The following GSG1L variants were observed in gnomAD, a reference collection of about 807,000 sequenced individuals.
GSG1L encodes the protein GSG1 like.
Under a neutral mutation model 42.1 loss-of-function variants are expected in GSG1L, and 24 were observed. The ratio of observed to expected loss-of-function variants is 0.57; its 90% CI spans 0.41 to 0.80. GSG1L has a LOEUF of 0.80. GSG1L is among the 30% of genes least tolerant of loss of function. The pLI, the probability that GSG1L is intolerant of heterozygous loss-of-function variation, is 0.00. For missense variants in GSG1L, 445 were observed against 472.2 expected, an observed-to-expected ratio of 0.94 and a Z score of 0.53; for synonymous variants, 215 against 203.5, an observed-to-expected ratio of 1.06 and a Z score of -0.48.
At position 27,977,115 on chromosome 16, in the gene GSG1L, G is replaced by C. The variant is rs117721331; in HGVS notation, c.350-13912C>G. Among the ~76,000 whole-genome samples, 13 of 152,262 alleles carry C rather than the reference G, an allele frequency of 8.5e-5. No individual in the cohort carries two copies. The East Asian group carries it at 2.5e-3, about 29-fold the overall frequency. ...AGGACTTGGCGTTCATCACAGCAAT[G>C]GCACGAAGTCTGAATCCATTCCCAT... On this transcript the variant is annotated intron_variant, in intron 1 of 6. Coordinates refer to ENST00000447459, the MANE Select transcript of GSG1L (RefSeq NM_001109763.2).
At chr16:27,835,053 T>C (rs1385175890) in intron 4 of GSG1L, among the ~76,000 whole-genome samples, 1 of 152,194 alleles carries the variant, frequency 6.6e-6, no homozygotes, top group Non-Finnish European at 1.5e-5. Flanking sequence ...TTCTTTTATA[T>C]CCTTGGTGAT....
rs1207226510 is a variant in GSG1L, at chr16:28,059,368, T to C, written c.349+3708A>G. On this transcript the variant is annotated intron_variant, in intron 1 of 6. Transcript: ENST00000447459. This position sits in a 1 kb window ranked among gnomAD's most constrained non-coding sequence, Gnocchi z 4.4. The stretch of plus-strand genomic sequence containing the variant: ...TCCCCGCCTGGGTCCTGCATGGGTC[T>C]TCTGGCTTCACACCCACCCCGTCAC... Among the ~76,000 whole-genome samples the C allele has an allele frequency of 6.6e-6, 1 of 152,090 alleles. No individual in the cohort carries two copies. The highest frequency in any genetic ancestry group is 1.5e-5 in the Non-Finnish European group (1 of 68,008).
intron 5 of GSG1L, among the ~76,000 whole-genome samples, chr16:27,821,870 C>G (rs2083154263): frequency 6.6e-6 from 1 of 151,992 alleles, no homozygotes; most frequent in Non-Finnish European, 1.5e-5. Flanking sequence ...CGCCACTGCA[C>G]TCCAGCCTGG....
intron 3 of GSG1L, among the ~76,000 whole-genome samples, chr16:27,881,806 T>G (rs1234810598): frequency 6.6e-6 from 1 of 151,420 alleles, no homozygotes; most frequent in African/African-American, 2.4e-5. Context: ...AACCACCCAC[T>G]CCCACCCGCC....
chr16:27,823,878 G>C, intron 5 of GSG1L: 1 of 702,976 alleles, frequency 1.4e-6, no homozygotes, highest in South Asian at 1.5e-5. Flanking sequence ...TGTGACCTGG[G>C]GCAAGTCGCC....
At chr16:27,802,232 T>G (rs1054948685) in intron 6 of GSG1L, among the ~76,000 whole-genome samples, 8 of 152,160 alleles carry the variant, frequency 5.3e-5, no homozygotes, top group South Asian at 4.1e-4. Context: ...CTTATTCGTC[T>G]CCATGCTCCC....
rs763786697 is a variant in GSG1L, at chr16:28,063,440, G to C, written c.-16C>G. 1.6e-6 allele frequency: 2 copies of C among 1,233,206 alleles called. No individual in the cohort carries two copies. The highest frequency in any genetic ancestry group is 2.0e-6 in the Non-Finnish European group (2 of 983,028). 76.4% of individuals were successfully genotyped at this position (1,233,206 alleles called of 1,614,324 possible). A position where few individuals can be genotyped will look rare whatever the true frequency, so the allele number is the denominator to read the frequency against. ...TAGTCTTCATGCCGCCCGCGCCGCCGGGACGGGACTGCACCGCCGGGGAGC... is the reference window on the plus strand; with the variant it reads ...TAGTCTTCATGCCGCCCGCGCCGCCCGGACGGGACTGCACCGCCGGGGAGC... On this transcript the variant is annotated 5_prime_UTR_variant, in exon 1 of 7. Coordinates refer to ENST00000447459, the MANE Select transcript of GSG1L (RefSeq NM_001109763.2). The surrounding 1 kb of genome is among the most constrained non-coding windows in gnomAD (Gnocchi z 5.8).
chr16:27,859,237 G>A (rs1314456734), intron 3 of GSG1L, among the ~76,000 whole-genome samples: 2 of 152,192 alleles, frequency 1.3e-5, no homozygotes, highest in Admixed American at 6.5e-5. Flanking sequence ...CGCTCATAGA[G>A]GGGCCTAGAC....
intron 1 of GSG1L, among the ~76,000 whole-genome samples, chr16:27,991,182 T>A (rs940134023): frequency 6.6e-6 from 1 of 152,202 alleles, no homozygotes; most frequent in Non-Finnish European, 1.5e-5. Context: ...CCTTGACAGT[T>A]GTTTCTGAGC....
intron 4 of GSG1L, among the ~76,000 whole-genome samples, chr16:27,843,214 G>T (rs951501500): frequency 6.6e-6 from 1 of 152,108 alleles, no homozygotes; most frequent in Non-Finnish European, 1.5e-5. Context: ...GGACAATTGT[G>T]GTCTCTGTCT....
At position 28,063,294 on chromosome 16, in the gene GSG1L, C is replaced by A; in HGVS notation, c.131G>T (p.Cys44Phe). ...GCAGTTGGCGCGCCCGCCCTGGCCG[C>A]AGCCCGGCTTGGGGACCCGCTGCGT... ...QGTQRVPKPG[C>F]GQGGRANCPN... is the part of the protein sequence containing the mutation. Residue 44 changes from cysteine to phenylalanine, a missense_variant, in exon 1 of 7, where the codon TGC becomes TTC. Physicochemically the swap from Cys to Phe is radical, Grantham distance 205. Around this residue, in one of 3 missense-constraint regions of GSG1L, gnomAD observed 156 missense variants for 128.3 expected, o/e 1.22. Transcript: ENST00000447459. The surrounding 1 kb of genome is among the most constrained non-coding windows in gnomAD (Gnocchi z 5.8). 7.2e-7 allele frequency: 1 copy of A among 1,380,126 alleles called. No individual in the cohort carries two copies. The highest frequency in any genetic ancestry group is 9.5e-7 in the Non-Finnish European group (1 of 1,057,814). The allele number at this position is 1,380,126 out of a possible 1,614,324, so 85.5% of individuals were successfully genotyped here.
Position 28,063,609 on chromosome 16 carries a change from G to T in GSG1L, c.-185C>A. 1 of 157,690 alleles carries T rather than the reference G, an allele frequency of 6.3e-6. No homozygotes were observed. The highest frequency in any genetic ancestry group is 1.7e-4 in the South Asian group (1 of 5,830). The allele number at this position is 157,690 out of a possible 1,614,324, so 9.8% of individuals were successfully genotyped here. A position where few individuals can be genotyped will look rare whatever the true frequency, so the allele number is the denominator to read the frequency against. The stretch of plus-strand genomic sequence containing the variant: ...ACCCCGGGGTGGGGGCGCGGCGCGG[G>T]GGGCGTGCGGGGCGGGCTGGCGGGG... On this transcript the variant is annotated 5_prime_UTR_variant, in exon 1 of 7. Transcript: ENST00000447459. This position sits in a 1 kb window ranked among gnomAD's most constrained non-coding sequence, Gnocchi z 5.8.
chr16:27,795,655 G>T (rs932114603), intron 6 of GSG1L, among the ~76,000 whole-genome samples: 8 of 152,318 alleles, frequency 5.3e-5, no homozygotes, highest in Admixed American at 4.6e-4. Flanking sequence ...GGTGGGAAAA[G>T]ATTTGTCAAG....
intron 2 of GSG1L, among the ~76,000 whole-genome samples, chr16:27,936,459 C>T (rs564884005): frequency 6.6e-5 from 10 of 152,284 alleles, no homozygotes; most frequent in African/African-American, 1.7e-4. Flanking sequence ...CACCTCCCTC[C>T]GTCTCTTGCC....
chr16:27,890,567 G>C (rs1336281952), intron 2 of GSG1L, among the ~76,000 whole-genome samples: 1 of 152,224 alleles, frequency 6.6e-6, no homozygotes, highest in Non-Finnish European at 1.5e-5. Flanking sequence ...GACTCAGTGG[G>C]CTGTGCACCT....
intron 4 of GSG1L, among the ~76,000 whole-genome samples, chr16:27,843,305 G>A (rs1392904016): frequency 1.3e-5 from 2 of 152,024 alleles, no homozygotes; most frequent in South Asian, 2.1e-4. Flanking sequence ...TGGACCATGT[G>A]GCTCAGGTCA....
Position 27,791,068 on chromosome 16 carries a change from ATG to A in GSG1L, c.*300_*301del. ...GCCAGCCATTCAGTGGCCAGTGGCCATGTGTCTCCTGGCATCGCAGCTGTGCC... is the reference window on the plus strand; with the variant it reads ...GCCAGCCATTCAGTGGCCAGTGGCCATGTCTCCTGGCATCGCAGCTGTGCC... On this transcript the variant is annotated 3_prime_UTR_variant, in exon 7 of 7. Transcript: ENST00000447459. The A allele has an allele frequency of 3.8e-6, 1 of 262,530 alleles. No individual in the cohort carries two copies. The highest frequency in any genetic ancestry group is 5.5e-5 in the Admixed American group (1 of 18,322). The allele number at this position is 262,530 out of a possible 1,614,324, so 16.3% of individuals were successfully genotyped here.
At chr16:27,840,032 CTTTTT>C (rs11329489) in intron 4 of GSG1L, among the ~76,000 whole-genome samples, 9 of 129,754 alleles carry the variant, frequency 6.9e-5, no homozygotes, top group African/African-American at 2.6e-4. Flanking sequence ...TAACCTTAAT[CTTTTT>C]TTTTTTTTTT....
chr16:28,006,700 AG>A (rs1476045285), intron 1 of GSG1L, among the ~76,000 whole-genome samples: 1 of 152,096 alleles, frequency 6.6e-6, no homozygotes, highest in East Asian at 1.9e-4. Context: ...TAAGCCACTA[AG>A]TTTGTGGGGT....
Sources: gnomAD v4.1 joint callset for allele counts (sites outside exome capture counted in the v4.1 genomes callset) on GRCh38, gnomAD v4.1.1 for gene constraint, gnomAD v4.1.1 regional missense constraint, Gnocchi (gnomAD v3.1) non-coding constraint, MANE v1.5 for transcripts, NCBI Gene and HGNC (gene_info 2026-07-23, HGNC 2026-07-21) for gene names.